GRID2: variants seen among roughly 807,000 people sequenced by gnomAD.
The protein encoded by GRID2 is glutamate receptor ionotropic, delta-2.
Under a neutral mutation model 114.8 loss-of-function variants are expected in GRID2, and 33 were observed. The observed-to-expected ratio is 0.29, with a 90% confidence interval of 0.22 to 0.38. The LOEUF is 0.38. Among genes scored for constraint, GRID2 ranks in the 10% least tolerant of loss-of-function variants. The pLI is 1.00. For missense variants in GRID2, 1,184 were observed against 1,257.7 expected, an observed-to-expected ratio of 0.94 and a Z score of 0.89; for synonymous variants, 505 against 449.9, an observed-to-expected ratio of 1.12 and a Z score of -1.55.
At chr4:92,912,434 C>T (rs984892352) in intron 2 of GRID2, among the ~76,000 whole-genome samples, 9 of 151,746 alleles carry the variant, frequency 5.9e-5, no homozygotes, top group Admixed American at 3.3e-4. Flanking sequence ...ATTTCCCATA[C>T]GTCCTGATGG....
chr4:93,448,110 G>A (rs527896123), intron 10 of GRID2, among the ~76,000 whole-genome samples: 1 of 151,782 alleles, frequency 6.6e-6, no homozygotes, highest in Non-Finnish European at 1.5e-5. Context: ...AAATCATCAT[G>A]TGTTCTAAAA....
intron 12 of GRID2, among the ~76,000 whole-genome samples, chr4:93,498,979 C>T (rs927236477): frequency 1.3e-5 from 2 of 151,728 alleles, no homozygotes; most frequent in African/African-American, 2.4e-5. Flanking sequence ...ATGTGTTTTT[C>T]GTCATGAATA....
intron 4 of GRID2, among the ~76,000 whole-genome samples, chr4:93,191,888 G>A (rs907985628): frequency 1.3e-5 from 2 of 152,002 alleles, no homozygotes; most frequent in Non-Finnish European, 2.9e-5. Context: ...ATATGTTCTG[G>A]AAAATGCCAA....
chr4:93,681,722 G>C (rs988196519), intron 14 of GRID2, among the ~76,000 whole-genome samples: 1 of 152,172 alleles, frequency 6.6e-6, no homozygotes, highest in Non-Finnish European at 1.5e-5. Context: ...AAACTGGCTA[G>C]CCATATGTAG....
At chr4:93,809,150 A>T (rs1284219358) in exon 2 of GRID2, 1 of 152,146 alleles carries the variant, frequency 6.6e-6, no homozygotes, top group Non-Finnish European at 1.5e-5. Flanking sequence ...ACACACAAAC[A>T]TCCACACAAT....
intron 1 of GRID2, among the ~76,000 whole-genome samples, chr4:92,550,807 C>A (rs1221048201): frequency 6.6e-6 from 1 of 152,066 alleles, no homozygotes; most frequent in Admixed American, 6.6e-5. Context: ...GAACTAAATT[C>A]ATTTTAAGAT....
intron 6 of GRID2, among the ~76,000 whole-genome samples, chr4:93,217,923 AT>A (rs1744426273): frequency 1.3e-5 from 2 of 152,026 alleles, no homozygotes; most frequent in South Asian, 4.2e-4. Context: ...CATAGGAAAC[AT>A]TTTAGTACTT....
rs114667100 is a variant in GRID2 at position 93,704,748 on chromosome 4, C to A, written c.2361-64462C>A. On this transcript the variant is annotated intron_variant, in intron 14 of 15. Transcript: ENST00000282020. ...GGATTTTTTTCACCTAACATAATGA[C>A]CTTCAGTTCCATCCATGTTGTTTCA... Among the ~76,000 whole-genome samples the A allele has an allele frequency of 2.6e-3, 401 of 152,100 alleles. 4 individuals are homozygous for A. The highest frequency in any genetic ancestry group is 9.2e-3 in the African/African-American group (383 of 41,474).
intron 2 of GRID2, among the ~76,000 whole-genome samples, chr4:92,896,725 T>A (rs905534322): frequency 2.2e-4 from 34 of 152,136 alleles, no homozygotes; most frequent in Admixed American, 2.2e-3. Flanking sequence ...AATTCTGTGG[T>A]CAGACAAACC....
At chr4:92,546,801 T>C (rs759466444) in intron 1 of GRID2, among the ~76,000 whole-genome samples, 1 of 152,158 alleles carries the variant, frequency 6.6e-6, no homozygotes, top group African/African-American at 2.4e-5. Flanking sequence ...AAATAATCAG[T>C]AGTAATTATT....
chr4:92,522,541 A>G (rs112401734), intron 1 of GRID2, among the ~76,000 whole-genome samples: 1,650 of 152,120 alleles, frequency 0.011, 24 homozygotes, highest in African/African-American at 0.038. Context: ...TGGAAGTAGG[A>G]ACCCTCCTAA....
At chr4:92,713,763 A>G (rs1735396738) in intron 2 of GRID2, among the ~76,000 whole-genome samples, 1 of 151,846 alleles carries the variant, frequency 6.6e-6, no homozygotes, top group Non-Finnish European at 1.5e-5. Flanking sequence ...AGATCTCATG[A>G]GACTTATTCA....
chr4:92,610,630 C>G (rs1729672156), intron 2 of GRID2, among the ~76,000 whole-genome samples: 1 of 151,524 alleles, frequency 6.6e-6, no homozygotes, highest in Non-Finnish European at 1.5e-5. Flanking sequence ...TACAATTAAA[C>G]TATTAATAGT....
chr4:92,892,122 G>C (rs2149470575), intron 2 of GRID2, among the ~76,000 whole-genome samples: 1 of 151,580 alleles, frequency 6.6e-6, no homozygotes, highest in Middle Eastern at 3.4e-3. Flanking sequence ...TGTGTGCAGT[G>C]GCACGATCTT....
chr4:93,121,566 AT>A (rs987002202), intron 4 of GRID2, among the ~76,000 whole-genome samples: 3 of 152,046 alleles, frequency 2.0e-5, no homozygotes, highest in Non-Finnish European at 4.4e-5. Flanking sequence ...TCTGTTGATG[AT>A]TTTTTTACAG....
chr4:92,973,628 C>T (rs961939928), intron 2 of GRID2, among the ~76,000 whole-genome samples: 2 of 152,042 alleles, frequency 1.3e-5, no homozygotes, highest in Non-Finnish European at 2.9e-5. Context: ...AACCTGAAAA[C>T]TAAAATGGAA....
In GRID2 at chr4:93,374,329, A is replaced by G. The variant is rs116323830; in HGVS notation, c.1246-21278A>G. Among the ~76,000 whole-genome samples, 389 of 152,300 alleles carry G rather than the reference A, an allele frequency of 2.6e-3. 2 individuals are homozygous for G. The highest frequency in any genetic ancestry group is 8.5e-3 in the African/African-American group (354 of 41,572). ...ATGGAGCACATGTGAGGAAACAGCA[A>G]TAGCAGGGGTGTTTACAGTATCCCA... On this transcript the variant is annotated intron_variant, in intron 8 of 15. Coordinates refer to ENST00000282020, the MANE Select transcript of GRID2 (RefSeq NM_001510.4).
intron 1 of GRID2, among the ~76,000 whole-genome samples, chr4:92,515,133 G>C (rs1724440128): frequency 7.0e-6 from 1 of 142,248 alleles, no homozygotes; most frequent in Admixed American, 6.8e-5. Flanking sequence ...TGATGACTTA[G>C]TATAAATTAT....
chr4:93,714,610 A>C (rs1728752835), intron 14 of GRID2, among the ~76,000 whole-genome samples: 1 of 152,122 alleles, frequency 6.6e-6, no homozygotes, highest in South Asian at 2.1e-4. Flanking sequence ...TTGACTTTTT[A>C]ATAATAGCCA....
Sources: allele counts gnomAD v4.1 joint callset (sites outside exome capture counted in the v4.1 genomes callset), GRCh38; gene constraint gnomAD v4.1.1; transcripts MANE v1.5; gene names NCBI Gene and HGNC (gene_info 2026-07-23, HGNC 2026-07-21).